The following DOCK3 variants were observed in gnomAD, a reference collection of about 807,000 sequenced individuals.
The protein encoded by DOCK3 is dedicator of cytokinesis 3.
DOCK3 carries 60 observed loss-of-function variants against 265.6 expected under a neutral mutation model. The observed-to-expected ratio is 0.23, with a 90% CI of 0.18 to 0.28. The LOEUF is 0.28. Among genes scored for constraint, DOCK3 ranks in the 10% least tolerant of loss-of-function variants. DOCK3 has a pLI of 1.00. For synonymous variants in DOCK3, 881 were observed against 938.0 expected, an observed-to-expected ratio of 0.94 and a Z score of 1.11; for missense variants, 1,981 against 2,594.3, an observed-to-expected ratio of 0.76 and a Z score of 5.14.
chr3:51,307,433 G>A (rs1244446144), intron 27 of DOCK3, among the ~76,000 whole-genome samples: 1 of 152,060 alleles, frequency 6.6e-6, no homozygotes, highest in Non-Finnish European at 1.5e-5. Context: ...TTTAATATCT[G>A]TATTTTTTAA....
chr3:51,208,867 G>A lies in DOCK3; in HGVS notation c.1126+5G>A. ...CTGCCCCCAGCGCCAGCCATGGTGAGATACTTCTCTGACTAGAACATTTTG... is the reference window on the plus strand; with the variant it reads ...CTGCCCCCAGCGCCAGCCATGGTGAAATACTTCTCTGACTAGAACATTTTG... On this transcript the variant is annotated splice_donor_5th_base_variant and intron_variant, in intron 13 of 52. Coordinates refer to ENST00000266037, the MANE Select transcript of DOCK3 (RefSeq NM_004947.5). 6.2e-7 allele frequency: 1 copy of A among 1,607,474 alleles called. No individual in the cohort carries two copies. Among genetic ancestry groups the A allele is most frequent in the Non-Finnish European group, 8.5e-7 (1 of 1,176,966 alleles).
At chr3:51,376,058 G>A (rs1210797129) in intron 51 of DOCK3, among the ~76,000 whole-genome samples, 1 of 152,176 alleles carries the variant, frequency 6.6e-6, no homozygotes, top group Admixed American at 6.5e-5. Flanking sequence ...CCTACCCTCA[G>A]AGGTCCCAAC....
intron 35 of DOCK3, among the ~76,000 whole-genome samples, chr3:51,335,817 C>T (rs1367274976): frequency 2.0e-5 from 3 of 151,926 alleles, no homozygotes; most frequent in Non-Finnish European, 2.9e-5. Context: ...TATGGCGAAA[C>T]CCCATCTCTA....
rs879649523 is a variant in DOCK3 at position 50,979,508 on chromosome 3, C to T, written c.315+45431C>T. 5.3e-5 allele frequency among the ~76,000 whole-genome samples: 8 copies of T among 152,188 alleles called. No homozygotes were observed. In the East Asian group the frequency reaches 9.7e-4, roughly 18 times the overall value. ...TGGGTGTTAAAGAGTCTGGGACTTC[C>T]TCCCCTCCTGCTCTCTTGCGCCATC... is the stretch of plus-strand genomic sequence containing the variant. On this transcript the variant is annotated intron_variant, in intron 5 of 52. Transcript: ENST00000266037.
intron 38 of DOCK3, among the ~76,000 whole-genome samples, chr3:51,342,033 A>G (rs375063444): frequency 6.6e-6 from 1 of 152,212 alleles, no homozygotes; most frequent in Non-Finnish European, 1.5e-5. Flanking sequence ...CTTGTGCTGG[A>G]AAAACTTGTT....
intron 4 of DOCK3, among the ~76,000 whole-genome samples, chr3:50,928,204 A>G (rs2050871364): frequency 6.6e-6 from 1 of 151,204 alleles, no homozygotes; most frequent in Non-Finnish European, 1.5e-5. Context: ...AGTGGCATCA[A>G]ATACATTCAC....
intron 3 of DOCK3, among the ~76,000 whole-genome samples, chr3:50,861,555 T>C (rs1308272584): frequency 6.6e-6 from 1 of 152,182 alleles, no homozygotes; most frequent in South Asian, 2.1e-4. Context: ...TGTATGGCTC[T>C]CTGTCTCTTT....
intron 14 of DOCK3, among the ~76,000 whole-genome samples, chr3:51,223,696 A>G (rs2090199218): frequency 6.6e-6 from 1 of 152,210 alleles, no homozygotes; most frequent in African/African-American, 2.4e-5. Flanking sequence ...AATTCCAGGT[A>G]TAACTATGAT....
chr3:51,025,956 C>T (rs1448750572), intron 5 of DOCK3, among the ~76,000 whole-genome samples: 1 of 152,062 alleles, frequency 6.6e-6, no homozygotes, highest in African/African-American at 2.4e-5. Context: ...AGTTTTTCAC[C>T]TGTCTCATGG....
At chr3:51,360,464 C>T (rs1000055187) in intron 46 of DOCK3, 47 bp from the exon 47 acceptor site, 2 of 1,575,444 alleles carry the variant, frequency 1.3e-6, no homozygotes, top group East Asian at 2.3e-5. Flanking sequence ...CCCTTAGTTA[C>T]TTATTTATTC....
intron 12 of DOCK3, among the ~76,000 whole-genome samples, chr3:51,187,413 G>A (rs950786771): frequency 6.6e-6 from 1 of 152,188 alleles, no homozygotes. Context: ...CAGACTCATA[G>A]GTGGAAGGGA....
intron 9 of DOCK3, among the ~76,000 whole-genome samples, chr3:51,142,937 A>C (rs2107221767): frequency 6.6e-6 from 1 of 151,402 alleles, no homozygotes; most frequent in South Asian, 2.1e-4. Context: ...CCCGGGCTGG[A>C]GTGCAATGGT....
chr3:50,920,592 T>G (rs987236184), intron 4 of DOCK3, among the ~76,000 whole-genome samples: 1 of 152,070 alleles, frequency 6.6e-6, no homozygotes, highest in East Asian at 1.9e-4. Flanking sequence ...ATTGGTGGTG[T>G]TATCCCCTTT....
At chr3:51,368,105 C>A (rs1376674702) in intron 49 of DOCK3, among the ~76,000 whole-genome samples, 7 of 152,176 alleles carry the variant, frequency 4.6e-5, no homozygotes. Flanking sequence ...TGGTTCCATT[C>A]TCCCCATCAT....
intron 5 of DOCK3, among the ~76,000 whole-genome samples, chr3:51,004,612 G>A (rs373406951): frequency 4.7e-4 from 71 of 151,506 alleles, no homozygotes; most frequent in African/African-American, 1.7e-3. Flanking sequence ...TAGAATGATT[G>A]TAGTAGATAA....
intron 1 of DOCK3, among the ~76,000 whole-genome samples, chr3:50,702,084 T>C (rs2107825917): frequency 6.6e-6 from 1 of 152,328 alleles, no homozygotes; most frequent in Non-Finnish European, 1.5e-5. Flanking sequence ...TTTAGATTGT[T>C]TATTCTATTT....
In DOCK3 at chr3:51,295,058, A is replaced by G. The variant is rs567103449; in HGVS notation, c.2922+14854A>G. ...AAATAAAAATTTTTTAAATCGGTGT[A>G]ATACACCCTTAAATGGTATAAAGGA... On this transcript the variant is annotated intron_variant, in intron 27 of 52. Coordinates refer to ENST00000266037, the MANE Select transcript of DOCK3 (RefSeq NM_004947.5). Among the ~76,000 whole-genome samples, 7 of 152,356 alleles carry G rather than the reference A, an allele frequency of 4.6e-5. No individual in the cohort carries two copies. The South Asian group carries it at 1.4e-3, about 32-fold the overall frequency.
At chr3:51,090,589 A>G (rs1560047461) in intron 9 of DOCK3, among the ~76,000 whole-genome samples, 1 of 152,138 alleles carries the variant, frequency 6.6e-6, no homozygotes, top group Non-Finnish European at 1.5e-5. Context: ...CTTTTTTATG[A>G]CTTTTTCCAC....
At chr3:50,773,139 A>G (rs899083697) in intron 1 of DOCK3, among the ~76,000 whole-genome samples, 4 of 152,124 alleles carry the variant, frequency 2.6e-5, no homozygotes, top group Non-Finnish European at 2.9e-5. Context: ...GTCCACAGTT[A>G]CAGCCAACTT....
Sources: gnomAD v4.1 joint callset for allele counts (sites outside exome capture counted in the v4.1 genomes callset) on GRCh38, gnomAD v4.1.1 for gene constraint, MANE v1.5 for transcripts, NCBI Gene and HGNC (gene_info 2026-07-23, HGNC 2026-07-21) for gene names.